KLHL20: variants seen among roughly 807,000 people sequenced by gnomAD.
KLHL20 encodes kelch like family member 20.
Under a neutral mutation model 69.5 loss-of-function variants are expected in KLHL20, and 29 were observed. That is an observed-to-expected ratio of 0.42 (90% CI 0.31 to 0.57). The LOEUF (loss-of-function observed/expected upper bound fraction) is 0.57, where lower values mean the gene tolerates loss of function less well. Ranked by LOEUF, KLHL20 falls within the 20% of genes least tolerant of loss-of-function variation. The pLI is 0.18. For missense variants in KLHL20, 419 were observed against 776.0 expected (o/e 0.54, Z 5.47); for synonymous variants, 253 against 265.2 (o/e 0.95, Z 0.45).
chr1:173,773,680 A>G lies in KLHL20; in HGVS notation c.1296-625A>G, dbSNP rs192729050. Among the ~76,000 whole-genome samples the G allele has an allele frequency of 3.4e-3, 519 of 152,236 alleles. 8 individuals carry two copies. The highest frequency in any genetic ancestry group is 0.029 in the Admixed American group (443 of 15,288). On this transcript the variant is annotated intron_variant, in intron 8 of 11. Transcript: ENST00000209884. ...TTTAAAATACATCAGAGGCATTTCA[A>G]AGTAATGACCAAATGAACTAAAATT... is the stretch of plus-strand genomic sequence containing the variant.
At chr1:173,777,622 G>C (rs1194682702) in intron 10 of KLHL20, among the ~76,000 whole-genome samples, 1 of 152,070 alleles carries the variant, frequency 6.6e-6, no homozygotes. Context: ...TATCATGAAG[G>C]GATGCTTACT....
intron 10 of KLHL20, among the ~76,000 whole-genome samples, chr1:173,778,024 GA>G (rs1648586671): frequency 6.6e-6 from 1 of 152,100 alleles, no homozygotes; most frequent in Non-Finnish European, 1.5e-5. Flanking sequence ...ATTCAGCAGT[GA>G]GGCCATTGGG....
At chr1:173,754,222 T>A (rs899106497) in intron 5 of KLHL20, among the ~76,000 whole-genome samples, 1 of 152,206 alleles carries the variant, frequency 6.6e-6, no homozygotes, top group Admixed American at 6.5e-5. Context: ...GTATCTTTTT[T>A]ATATTAATCA....
At chr1:173,749,337 TC>T (rs1350273688) in intron 3 of KLHL20, among the ~76,000 whole-genome samples, 1 of 152,230 alleles carries the variant, frequency 6.6e-6, no homozygotes, top group Non-Finnish European at 1.5e-5. Flanking sequence ...CTTTATTCAT[TC>T]TTCAAATAGC....
chr1:173,722,341 T>G (rs1297951767), intron 2 of KLHL20, among the ~76,000 whole-genome samples: 4 of 151,986 alleles, frequency 2.6e-5, no homozygotes, highest in Non-Finnish European at 5.9e-5. Flanking sequence ...CACCAATGGC[T>G]GGGGGCACAG....
At chr1:173,772,814 C>A (rs976576100) in intron 8 of KLHL20, among the ~76,000 whole-genome samples, 1 of 152,094 alleles carries the variant, frequency 6.6e-6, no homozygotes, top group Non-Finnish European at 1.5e-5. Context: ...ATTTGCCCAA[C>A]ATAAAAAGGA....
rs749524628 is a variant in KLHL20 at position 173,733,726 on chromosome 1, C to T, written c.37C>T (p.Arg13Ter). ...GKPMRRCTNI[R>*]PGETGMDVTS... ...TCATTCCTATAGGTGTACCAACATT[C>T]GACCAGGAGAGACTGGAATGGATGT... is the stretch of plus-strand genomic sequence containing the variant. The change falls in exon 3 of 12, where the codon CGA becomes TGA. Residue 13 changes from arginine (R) to a stop codon, truncating the protein, a stop_gained. Transcript: ENST00000209884. LOFTEE classifies it high-confidence loss of function. 6.2e-6 allele frequency: 10 copies of T among 1,611,914 alleles called. No individual in the cohort carries two copies. The East Asian group carries it at 1.3e-4, about 22-fold the overall frequency.
Position 173,767,423 on chromosome 1 carries a change from C to T in KLHL20, c.1295+1134C>T, listed in dbSNP as rs983760469. On this transcript the variant is annotated intron_variant, in intron 8 of 11. Coordinates refer to ENST00000209884, the MANE Select transcript of KLHL20 (RefSeq NM_014458.4). ...ATACTTAGTAGTGGGATTACTGGAT[C>T]ATATGATAGTTCTATTTTTAATTTT... 2.0e-5 allele frequency among the ~76,000 whole-genome samples: 3 copies of T among 152,098 alleles called. No individual in the cohort carries two copies. In the East Asian group the frequency reaches 5.8e-4, roughly 29 times the overall value.
chr1:173,777,471 G>T (rs545361018), intron 10 of KLHL20, among the ~76,000 whole-genome samples: 2 of 152,254 alleles, frequency 1.3e-5, no homozygotes, highest in South Asian at 4.1e-4. Context: ...GTGAAAGTGC[G>T]CATCCCTGTC....
intron 3 of KLHL20, among the ~76,000 whole-genome samples, chr1:173,749,672 C>T (rs1673216585): frequency 1.3e-5 from 2 of 152,136 alleles, no homozygotes; most frequent in Admixed American, 1.3e-4. Context: ...CTTGCGTTTC[C>T]ATTAAATGAG....
chr1:173,774,349 G>A lies in KLHL20; in HGVS notation c.1340G>A (p.Ser447Asn), dbSNP rs149997590. ...AAGTGGACTCGGGTAGCTTCTATGA[G>A]TACCAGAAGACTAGGTGTGGCTGTG... ...ENKWTRVASM[S>N]TRRLGVAVAV... The change falls in exon 9 of 12, where the codon AGT (serine) becomes AAT (asparagine). Residue 447 changes from serine to asparagine, a missense_variant. Ser to Asn is a conservative substitution (Grantham distance 46). Coordinates refer to ENST00000209884, the MANE Select transcript of KLHL20 (RefSeq NM_014458.4). The A allele has an allele frequency of 1.2e-3, 1,894 of 1,614,148 alleles. 3 individuals carry two copies. Among genetic ancestry groups the A allele is most frequent in the Non-Finnish European group, 1.5e-3 (1,728 of 1,180,014 alleles).
At chr1:173,728,844 A>G (rs893383051) in intron 2 of KLHL20, among the ~76,000 whole-genome samples, 4 of 152,238 alleles carry the variant, frequency 2.6e-5, no homozygotes, top group Non-Finnish European at 1.5e-5. Flanking sequence ...AAACACATTC[A>G]AAAGCTAGCA....
chr1:173,783,416 A>G (rs904372036), intron 11 of KLHL20, among the ~76,000 whole-genome samples: 7 of 152,238 alleles, frequency 4.6e-5, no homozygotes, highest in Non-Finnish European at 7.3e-5. Flanking sequence ...TCTCTAGGAA[A>G]GCCACAACTC....
intron 3 of KLHL20, chr1:173,734,534 A>T (rs6673883): frequency 0.25 from 116,368 of 459,418 alleles, 15,765 homozygotes; most frequent in Middle Eastern, 0.35. Context: ...AAAAATTTTT[A>T]AAAAGGTTTA....
intron 2 of KLHL20, among the ~76,000 whole-genome samples, chr1:173,728,910 AC>A (rs1672113912): frequency 6.6e-6 from 1 of 152,202 alleles, no homozygotes; most frequent in Admixed American, 6.5e-5. Flanking sequence ...AGATGCAAAA[AC>A]CCCTTCAAAA....
intron 3 of KLHL20, among the ~76,000 whole-genome samples, chr1:173,742,810 G>T (rs1295850231): frequency 6.6e-6 from 1 of 151,222 alleles, no homozygotes; most frequent in Non-Finnish European, 1.5e-5. Context: ...GTTATTAATA[G>T]TATTAGGCCC....
intron 3 of KLHL20, among the ~76,000 whole-genome samples, chr1:173,746,491 A>G (rs1415503730): frequency 6.6e-6 from 1 of 152,086 alleles, no homozygotes; most frequent in Non-Finnish European, 1.5e-5. Flanking sequence ...GGTAAACTGT[A>G]TTTCCCTAGA....
chr1:173,746,546 G>C (rs947949287), intron 3 of KLHL20, among the ~76,000 whole-genome samples: 3 of 152,020 alleles, frequency 2.0e-5, no homozygotes, highest in African/African-American at 7.2e-5. Flanking sequence ...CTGTATAGAG[G>C]TATACAAAGT....
chr1:173,777,859 G>A (rs913564713), intron 10 of KLHL20, among the ~76,000 whole-genome samples: 9 of 152,062 alleles, frequency 5.9e-5, no homozygotes, highest in Admixed American at 5.9e-4. Flanking sequence ...TGAGGATATT[G>A]GACTGTAGCT....
Sources: allele counts gnomAD v4.1 joint callset (sites outside exome capture counted in the v4.1 genomes callset), GRCh38; gene constraint gnomAD v4.1.1; transcripts MANE v1.5; gene names NCBI Gene and HGNC (gene_info 2026-07-23, HGNC 2026-07-21).